Variants in UHRF1 observed in about 807,000 individuals in gnomAD.
The protein encoded by UHRF1 is ubiquitin like with PHD and ring finger domains 1, also known as E3 ubiquitin-protein ligase UHRF1.
Under a neutral mutation model 96.5 loss-of-function variants are expected in UHRF1, and 9 were observed. The ratio of observed to expected loss-of-function variants is 0.09; its 90% CI spans 0.06 to 0.16. The LOEUF is 0.16. Among genes scored for constraint, UHRF1 ranks in the 10% least tolerant of loss-of-function variants. The pLI, the probability that UHRF1 is intolerant of heterozygous loss-of-function variation, is 1.00. For synonymous variants in UHRF1, 455 were observed against 469.9 expected (o/e 0.97, Z 0.41); for missense variants, 626 against 1,131.1 (o/e 0.55, Z 6.40).
chr19:4,942,484 C>CGAATGAATTTAAATGTAAA (rs1423645285), intron 7 of UHRF1, among the ~76,000 whole-genome samples: 1 of 151,354 alleles, frequency 6.6e-6, no homozygotes, highest in African/African-American at 2.4e-5. Flanking sequence ...GCCACCTCGC[C>CGAATGAATTTAAATGTAAA]CAGCCTTGAG....
At chr19:4,933,069 C>T (rs1300038773) in intron 5 of UHRF1, 113 bp downstream of exon 5, 2 of 1,226,112 alleles carry the variant, frequency 1.6e-6, no homozygotes, top group South Asian at 3.0e-5. Flanking sequence ...GGCCCTTAGC[C>T]TCCGGCCTGG....
In UHRF1 at chr19:4,940,033, A is replaced by AC. The variant is rs1568422797; in HGVS notation, c.786-1495_786-1494insC. ...AGCGAGACTGTCTCAAAAAAAAAAA[A>AC]AAAAACACATGGGCTTTCAGAGACC... is the stretch of plus-strand genomic sequence containing the variant. On this transcript the variant is annotated intron_variant, in intron 5 of 16. Transcript: ENST00000650932. Among the ~76,000 whole-genome samples the AC allele has an allele frequency of 2.8e-3, 430 of 152,146 alleles. 3 individuals carry two copies. Among genetic ancestry groups the AC allele is most frequent in the African/African-American group, 9.7e-3 (401 of 41,524 alleles).
upstream of UHRF1, among the ~76,000 whole-genome samples, chr19:4,905,989 T>A (rs1384751941): frequency 6.6e-6 from 1 of 152,170 alleles, no homozygotes; most frequent in African/African-American, 2.4e-5. Flanking sequence ...ATTATTACTA[T>A]TTTTTGAGAC....
chr19:4,939,825 C>T (rs1050251084), intron 5 of UHRF1, among the ~76,000 whole-genome samples: 2 of 152,110 alleles, frequency 1.3e-5, no homozygotes, highest in African/African-American at 2.4e-5. Context: ...GAGATCGAGA[C>T]CATCCTGGCA....
At chr19:4,923,733 C>T (rs1423370455) in intron 2 of UHRF1, among the ~76,000 whole-genome samples, 2 of 152,194 alleles carry the variant, frequency 1.3e-5, no homozygotes, top group African/African-American at 2.4e-5. Flanking sequence ...ATTCATGACT[C>T]GGGCGCTCCT....
intron 2 of UHRF1, among the ~76,000 whole-genome samples, chr19:4,926,887 A>G (rs2032889126): frequency 2.0e-5 from 3 of 151,942 alleles, no homozygotes; most frequent in Admixed American, 2.0e-4. Context: ...ACATGGTGAA[A>G]CCCCACCTCT....
chr19:4,918,713 T>TG (rs2032604945), intron 2 of UHRF1, among the ~76,000 whole-genome samples: 2 of 142,714 alleles, frequency 1.4e-5, no homozygotes, highest in African/African-American at 2.7e-5. Context: ...TGTGCCCAGC[T>TG]GGTTTTTTTT....
chr19:4,946,256 C>T (rs2033561886), intron 10 of UHRF1, among the ~76,000 whole-genome samples: 1 of 150,584 alleles, frequency 6.6e-6, no homozygotes, highest in African/African-American at 2.4e-5. Context: ...CTGGAGACCT[C>T]CTGGGAGTGG....
intron 2 of UHRF1, among the ~76,000 whole-genome samples, chr19:4,921,722 C>T (rs2656923): frequency 6.6e-6 from 1 of 151,104 alleles, no homozygotes. Context: ...GTGCCACTGC[C>T]CTCCAGCCTG....
intron 13 of UHRF1, among the ~76,000 whole-genome samples, chr19:4,952,973 T>G (rs1336503733): frequency 1.3e-5 from 2 of 152,100 alleles, no homozygotes; most frequent in Non-Finnish European, 2.9e-5. Flanking sequence ...CCATAAGGCT[T>G]GAAAACATTC....
In UHRF1 at chr19:4,960,636, C is replaced by T. The variant is rs375681924; in HGVS notation, c.2236-21C>T. 1.3e-3 allele frequency: 2,107 copies of T among 1,610,602 alleles called. 7 individuals carry two copies. Among genetic ancestry groups the T allele is most frequent in the South Asian group, 2.6e-3 (237 of 90,418 alleles). On this transcript the variant is annotated intron_variant, in intron 16 of 16. Coordinates refer to ENST00000650932, the MANE Select transcript of UHRF1 (RefSeq NM_001048201.3). Reference sequence around the variant, plus strand: ...CTGATGGTGTGGATGGCACTTCTCACGCGCCTGCTGTGTCTTACAGGACTG... The same window carrying T: ...CTGATGGTGTGGATGGCACTTCTCATGCGCCTGCTGTGTCTTACAGGACTG...
At chr19:4,903,481 A>G (rs2031991176) in exon 1 of UHRF1, 2 of 151,662 alleles carry the variant, frequency 1.3e-5, no homozygotes, top group South Asian at 2.1e-4. Context: ...ATGCTTTGCT[A>G]ATTTTTTTTT....
chr19:4,914,113 G>C (rs966538590), intron 2 of UHRF1, among the ~76,000 whole-genome samples: 3 of 151,870 alleles, frequency 2.0e-5, no homozygotes, highest in Admixed American at 2.0e-4. Flanking sequence ...GGTGTGAACC[G>C]TCGCATCCGG....
rs2033996550 is a variant in UHRF1, at chr19:4,961,917, A to G, written c.*1114A>G. The G allele has an allele frequency of 6.8e-6, 1 of 147,732 alleles. No individual in the cohort carries two copies. The highest frequency in any genetic ancestry group is 2.0e-4 in the East Asian group (1 of 5,084). The allele number at this position is 147,732 out of a possible 1,614,324, so 9.2% of individuals were successfully genotyped here. ...TTTTTTTCTTTTGAAAGGGTTTGTT[A>G]ATTTTTCTAATTTTACCAAAGTTTG... On this transcript the variant is annotated 3_prime_UTR_variant, in exon 17 of 17. Transcript: ENST00000650932.
rs997799659 is a variant in UHRF1, at chr19:4,941,622, A to G, written c.880A>G (p.Met294Val). ...AGGGAGCCCCATGGTTGACAACCCC[A>G]TGAGACGTGAGTTCTGAGCCAGCCT... is the stretch of plus-strand genomic sequence containing the variant. The part of the protein sequence containing the change: ...GEGSPMVDNP[M>V]RRKSGPSCKH... Residue 294 changes from methionine to valine, a missense_variant, in exon 6 of 17, where the codon ATG becomes GTG. This residue lies in a region of UHRF1 where 198 missense variants were observed against 235.1 expected (regional missense o/e 0.84). Transcript: ENST00000650932. 2 of 1,613,176 alleles carry G rather than the reference A, an allele frequency of 1.2e-6. No individual in the cohort carries two copies. Among genetic ancestry groups the G allele is most frequent in the East Asian group, 2.2e-5 (1 of 44,834 alleles).
intron 2 of UHRF1, among the ~76,000 whole-genome samples, chr19:4,925,256 A>C (rs1407879805): frequency 6.6e-6 from 1 of 152,192 alleles, no homozygotes; most frequent in Non-Finnish European, 1.5e-5. Flanking sequence ...TCACCTTGAA[A>C]GGAAACCCTG....
chr19:4,933,792 G>C (rs576094729), intron 5 of UHRF1, among the ~76,000 whole-genome samples: 2 of 152,146 alleles, frequency 1.3e-5, no homozygotes, highest in African/African-American at 4.8e-5. Context: ...TTATTGGGAC[G>C]TGGTCACACC....
chr19:4,958,196 G>A (rs1217542464), intron 16 of UHRF1, among the ~76,000 whole-genome samples: 1 of 152,232 alleles, frequency 6.6e-6, no homozygotes, highest in African/African-American at 2.4e-5. Flanking sequence ...TGAGTGCCCT[G>A]AGTGAGGTGG....
In UHRF1 at chr19:4,954,678, G is replaced by A. The variant is rs376205188; in HGVS notation, c.1986G>A (p.Pro662=). 4.3e-5 allele frequency: 69 copies of A among 1,613,072 alleles called. No individual in the cohort carries two copies. Among genetic ancestry groups the A allele is most frequent in the Non-Finnish European group, 5.1e-5 (60 of 1,179,580 alleles). Residue 662 remains proline, a synonymous_variant, in exon 15 of 17, where the codon CCG becomes CCA. Transcript: ENST00000650932. The surrounding 1 kb of genome is among the most constrained non-coding windows in gnomAD (Gnocchi z 5.9). ...AGGGPSRAGS[P]RRTSKKTKVE... is the part of the protein sequence containing the mutation. The stretch of plus-strand genomic sequence containing the variant: ...GTGGCCCGAGCAGGGCCGGGTCCCC[G>A]CGCCGGACATCCAAGAAAACCAAGG...
Sources: gnomAD v4.1 joint callset for allele counts (sites outside exome capture counted in the v4.1 genomes callset) on GRCh38, gnomAD v4.1.1 for gene constraint, gnomAD v4.1.1 regional missense constraint, Gnocchi (gnomAD v3.1) non-coding constraint, MANE v1.5 for transcripts, NCBI Gene and HGNC (gene_info 2026-07-23, HGNC 2026-07-21) for gene names.